The following PDE4D variants were observed in gnomAD, a reference collection of about 807,000 sequenced individuals.
PDE4D encodes 3',5'-cyclic-AMP phosphodiesterase 4D.
In PDE4D, 24 loss-of-function variants were observed where a neutral mutation model predicts 87.4. That is an observed-to-expected ratio of 0.27 (90% confidence interval 0.20 to 0.39). The LOEUF is 0.39. PDE4D is among the 10% of genes least tolerant of loss of function. The probability of loss-of-function intolerance (pLI) is 1.00; values close to 1 mark genes in which losing one functional copy is unlikely to be tolerated. For synonymous variants in PDE4D, 384 were observed against 383.2 expected, an observed-to-expected ratio of 1.00 and a Z score of -0.02; for missense variants, 714 against 1,041.0, an observed-to-expected ratio of 0.69 and a Z score of 4.32.
chr5:59,338,702 A>G (rs761518517), intron 1 of PDE4D, among the ~76,000 whole-genome samples: 1 of 152,206 alleles, frequency 6.6e-6, no homozygotes, highest in African/African-American at 2.4e-5. Context: ...AGAACTCAAG[A>G]GCAAGTATGC....
At chr5:59,296,415 T>C (rs1769107972) in intron 1 of PDE4D, among the ~76,000 whole-genome samples, 1 of 146,126 alleles carries the variant, frequency 6.8e-6, no homozygotes, top group African/African-American at 2.6e-5. Flanking sequence ...AGCCAATTTA[T>C]TAAAAAAAAA....
intron 1 of PDE4D, among the ~76,000 whole-genome samples, chr5:59,331,678 C>T (rs1342230784): frequency 2.0e-5 from 3 of 152,140 alleles, no homozygotes; most frequent in Non-Finnish European, 4.4e-5. Context: ...GCCACAGAGC[C>T]ATCCTTAAAC....
intron 3 of PDE4D, among the ~76,000 whole-genome samples, chr5:59,905,957 T>C (rs1172969290): frequency 6.6e-6 from 1 of 152,144 alleles, no homozygotes; most frequent in Non-Finnish European, 1.5e-5. Flanking sequence ...AGTTCTGCCT[T>C]CTTCTCTCCT....
chr5:59,130,912 T>C (rs62356725), intron 5 of PDE4D, among the ~76,000 whole-genome samples: 10,181 of 152,290 alleles, frequency 0.067, 403 homozygotes, highest in Middle Eastern at 0.12. Flanking sequence ...TTGAGTAAAG[T>C]TAAATGCAAA....
intron 1 of PDE4D, among the ~76,000 whole-genome samples, chr5:60,386,249 T>G (rs1177568529): frequency 1.3e-5 from 2 of 152,212 alleles, no homozygotes; most frequent in African/African-American, 4.8e-5. Context: ...TCTCTACCTA[T>G]GAGCTATAAA....
At chr5:59,634,390 T>A (rs1029737504) in intron 1 of PDE4D, among the ~76,000 whole-genome samples, 2 of 152,186 alleles carry the variant, frequency 1.3e-5, no homozygotes, top group Non-Finnish European at 2.9e-5. Context: ...GTGGACCTAA[T>A]AGACATCTAC....
intron 1 of PDE4D, among the ~76,000 whole-genome samples, chr5:59,835,116 T>A (rs548725874): frequency 3.9e-5 from 6 of 152,232 alleles, no homozygotes; most frequent in African/African-American, 1.4e-4. Flanking sequence ...GTGAGAGCCA[T>A]ATTGGCCTAG....
intron 1 of PDE4D, among the ~76,000 whole-genome samples, chr5:59,612,514 A>C (rs1829141001): frequency 6.6e-6 from 1 of 152,192 alleles, no homozygotes; most frequent in Admixed American, 6.5e-5. Context: ...GGCCAGGGAT[A>C]TAGCAGTGAA....
At chr5:59,600,778 C>T (rs1017838513) in intron 1 of PDE4D, among the ~76,000 whole-genome samples, 7 of 152,044 alleles carry the variant, frequency 4.6e-5, no homozygotes, top group African/African-American at 1.4e-4. Context: ...ATTGAAATTG[C>T]TATTATTGAA....
chr5:60,431,788 G>C (rs1250662245), intron 1 of PDE4D, among the ~76,000 whole-genome samples: 1 of 152,244 alleles, frequency 6.6e-6, no homozygotes, highest in African/African-American at 2.4e-5. Flanking sequence ...GCACCACTGA[G>C]CACTGAGTGA....
chr5:59,551,772 A>T (rs886857174), intron 1 of PDE4D, among the ~76,000 whole-genome samples: 2 of 152,164 alleles, frequency 1.3e-5, no homozygotes. Context: ...GGAATTGCCT[A>T]TAGTGGAATG....
At chr5:60,197,074 CAGTT>C (rs1428597811) in intron 1 of PDE4D, among the ~76,000 whole-genome samples, 543 of 53,426 alleles carry the variant, frequency 0.01, 14 homozygotes, top group African/African-American at 0.021. Context: ...GATAGATAGA[CAGTT>C]AGATAGATAG....
chr5:59,725,171 A>C (rs1756420872), intron 1 of PDE4D, among the ~76,000 whole-genome samples: 2 of 151,960 alleles, frequency 1.3e-5, no homozygotes, highest in African/African-American at 4.8e-5. Context: ...GGGGGGGATA[A>C]ATACCCACTT....
intron 1 of PDE4D, among the ~76,000 whole-genome samples, chr5:59,478,446 G>T (rs1428393534): frequency 6.6e-6 from 1 of 152,016 alleles, no homozygotes; most frequent in Non-Finnish European, 1.5e-5. Flanking sequence ...TTATCTAAAA[G>T]GACAACCTGT....
chr5:59,802,985 T>C (rs1284079836), intron 1 of PDE4D, among the ~76,000 whole-genome samples: 1 of 151,540 alleles, frequency 6.6e-6, no homozygotes, highest in Non-Finnish European at 1.5e-5. Flanking sequence ...ACAAGCAGAG[T>C]TGTGGTGTAG....
intron 5 of PDE4D, among the ~76,000 whole-genome samples, chr5:59,053,860 G>A (rs1269866422): frequency 6.6e-6 from 1 of 151,548 alleles, no homozygotes; most frequent in Non-Finnish European, 1.5e-5. Context: ...AGGTTGCAGT[G>A]AGCTCAGATC....
At chr5:60,492,124 T>TAAAAAA (rs776940230), upstream of PDE4D, among the ~76,000 whole-genome samples, 1 of 130,482 alleles carries the variant, frequency 7.7e-6, no homozygotes. Context: ...AAAGTATAAT[T>TAAAAAA]AAAAAAAAAA....
intron 1 of PDE4D, among the ~76,000 whole-genome samples, chr5:60,298,918 T>A (rs1325742298): frequency 6.6e-6 from 1 of 152,218 alleles, no homozygotes; most frequent in African/African-American, 2.4e-5. Flanking sequence ...CTGTTATATT[T>A]CAACAGTCAC....
chr5:59,752,820 T>C (rs1057473233), intron 1 of PDE4D, among the ~76,000 whole-genome samples: 5 of 152,074 alleles, frequency 3.3e-5, no homozygotes, highest in African/African-American at 1.2e-4. Flanking sequence ...ATGTGAAGTA[T>C]CCATAGGACA....
Sources: allele counts gnomAD v4.1 joint callset (sites outside exome capture counted in the v4.1 genomes callset), GRCh38; gene constraint gnomAD v4.1.1; transcripts MANE v1.5; gene names NCBI Gene and HGNC (gene_info 2026-07-23, HGNC 2026-07-21).